TMTC2: variants seen among roughly 807,000 people sequenced by gnomAD.
The protein encoded by TMTC2 is protein O-mannosyl-transferase TMTC2.
Under a neutral mutation model 82.4 loss-of-function variants are expected in TMTC2, and 43 were observed. That is an observed-to-expected ratio of 0.52 (90% CI 0.41 to 0.67). TMTC2 has a LOEUF of 0.67. Among genes scored for constraint, TMTC2 ranks in the 30% least tolerant of loss-of-function variants. The pLI is 0.00. For missense variants in TMTC2, 919 were observed against 1,012.4 expected, an observed-to-expected ratio of 0.91 and a Z score of 1.25; for synonymous variants, 408 against 381.9, an observed-to-expected ratio of 1.07 and a Z score of -0.80.
At chr12:82,938,169 C>G (rs891313284) in intron 4 of TMTC2, among the ~76,000 whole-genome samples, 1 of 151,956 alleles carries the variant, frequency 6.6e-6, no homozygotes, top group South Asian at 2.1e-4. Flanking sequence ...CCACCTCAGC[C>G]TCCCAAAGTA....
At chr12:83,005,330 CAAAAAAAAA>C (rs35332002) in intron 8 of TMTC2, among the ~76,000 whole-genome samples, 1 of 105,710 alleles carries the variant, frequency 9.5e-6, no homozygotes, top group African/African-American at 3.4e-5. Flanking sequence ...CTCTGGTCTC[CAAAAAAAAA>C]AAAAAAAAAA....
intron 10 of TMTC2, among the ~76,000 whole-genome samples, chr12:83,056,562 GA>G (rs963916836): frequency 1.8e-4 from 28 of 151,484 alleles, no homozygotes; most frequent in South Asian, 4.2e-4. Context: ...TCTTAAATGA[GA>G]AAAAAAACAG....
At chr12:82,987,089 T>A (rs1879182346) in intron 8 of TMTC2, among the ~76,000 whole-genome samples, 1 of 152,190 alleles carries the variant, frequency 6.6e-6, no homozygotes, top group South Asian at 2.1e-4. Context: ...AACATTTTAC[T>A]TTCCACAGAA....
At chr12:82,994,762 G>A (rs1376802730) in intron 8 of TMTC2, among the ~76,000 whole-genome samples, 1 of 152,028 alleles carries the variant, frequency 6.6e-6, no homozygotes, top group Non-Finnish European at 1.5e-5. Flanking sequence ...CTTGGCCTCC[G>A]TGTATTTTAT....
intron 11 of TMTC2, among the ~76,000 whole-genome samples, chr12:83,103,332 C>T (rs78933048): frequency 0.055 from 8,323 of 152,188 alleles, 333 homozygotes; most frequent in East Asian, 0.22. Context: ...GCTGCTATGA[C>T]GAAATGCCTG....
chr12:82,886,598 C>G (rs1218173306), intron 2 of TMTC2, among the ~76,000 whole-genome samples: 1 of 152,160 alleles, frequency 6.6e-6, no homozygotes, highest in Non-Finnish European at 1.5e-5. Context: ...CTCACAAAGT[C>G]TGGATATGCC....
At chr12:82,997,065 C>T (rs531132053) in intron 8 of TMTC2, among the ~76,000 whole-genome samples, 111 of 151,246 alleles carry the variant, frequency 7.3e-4, no homozygotes, top group Non-Finnish European at 1.4e-3. Flanking sequence ...ACCTAGGGTA[C>T]ACATTTGCCA....
intron 6 of TMTC2, among the ~76,000 whole-genome samples, 155 bp from the exon 7 acceptor site, chr12:82,966,764 G>A (rs187968956): frequency 3.3e-5 from 5 of 152,234 alleles, no homozygotes; most frequent in African/African-American, 1.2e-4. Context: ...GAGATAGTAT[G>A]CCACAAAAGG....
At chr12:83,082,942 T>G (rs1049523342) in intron 11 of TMTC2, among the ~76,000 whole-genome samples, 14 of 152,292 alleles carry the variant, frequency 9.2e-5, no homozygotes, top group Admixed American at 5.2e-4. Context: ...CGCTTAGCAG[T>G]TTAGGCTCTG....
At chr12:83,049,002 G>A (rs1166300135) in intron 9 of TMTC2, among the ~76,000 whole-genome samples, 1 of 152,118 alleles carries the variant, frequency 6.6e-6, no homozygotes, top group African/African-American at 2.4e-5. Context: ...TAAAATAGAG[G>A]TATTTCTTTT....
intron 1 of TMTC2, chr12:82,759,761 C>T (rs1475098756): frequency 3.3e-5 from 5 of 152,086 alleles, no homozygotes; most frequent in East Asian, 1.9e-4. Context: ...AGCCCAAAGG[C>T]GAGTTTGTAA....
intron 2 of TMTC2, among the ~76,000 whole-genome samples, chr12:82,889,936 T>C (rs1873312905): frequency 6.7e-6 from 1 of 150,316 alleles, no homozygotes; most frequent in Admixed American, 6.7e-5. Context: ...TATCCTTGTA[T>C]TTAGATCTTA....
At chr12:82,825,368 G>T (rs1459169244) in intron 1 of TMTC2, among the ~76,000 whole-genome samples, 1 of 152,168 alleles carries the variant, frequency 6.6e-6, no homozygotes. Flanking sequence ...GAATGGGAGA[G>T]CATGCAGGAC....
intron 1 of TMTC2, among the ~76,000 whole-genome samples, chr12:82,732,167 T>C (rs1874849742): frequency 6.6e-6 from 1 of 152,238 alleles, no homozygotes; most frequent in Admixed American, 6.5e-5. Flanking sequence ...TCTTTACCAA[T>C]TTCAAGTTGA....
intron 11 of TMTC2, among the ~76,000 whole-genome samples, chr12:83,106,294 G>A (rs36083341): frequency 0.11 from 17,418 of 152,078 alleles, 1,321 homozygotes; most frequent in Non-Finnish European, 0.17. Context: ...GAGGTCAGGC[G>A]TTCGAGACCA....
At chr12:82,925,108 T>C (rs1054311807) in intron 3 of TMTC2, among the ~76,000 whole-genome samples, 1 of 152,206 alleles carries the variant, frequency 6.6e-6, no homozygotes, top group African/African-American at 2.4e-5. Flanking sequence ...CCTTATCCTT[T>C]AGCTCGTAGA....
At chr12:82,837,231 G>A (rs539957344) in intron 1 of TMTC2, among the ~76,000 whole-genome samples, 1 of 152,172 alleles carries the variant, frequency 6.6e-6, no homozygotes, top group South Asian at 2.1e-4. Flanking sequence ...CATCTACTGC[G>A]GACCAGTTGA....
rs969287676 is a variant in TMTC2 at position 82,967,070 on chromosome 12, T to G, written c.1948+73T>G. 195 of 1,156,868 alleles carry G rather than the reference T, an allele frequency of 1.7e-4. 3 individuals carry two copies. The highest frequency in any genetic ancestry group is 8.0e-4 in the Middle Eastern group (4 of 5,022). 71.7% of individuals were successfully genotyped at this position (1,156,868 alleles called of 1,614,324 possible). A position where few individuals can be genotyped will look rare whatever the true frequency, so the allele number is the denominator to read the frequency against. On this transcript the variant is annotated intron_variant, in intron 7 of 11. Coordinates refer to ENST00000321196, the MANE Select transcript of TMTC2 (RefSeq NM_152588.3). Reference sequence around the variant, plus strand: ...GAGAAACAGGAACCCATGTTCGTGTTTAATGGAATTCTAATAAATCATATT... The same window carrying G: ...GAGAAACAGGAACCCATGTTCGTGTGTAATGGAATTCTAATAAATCATATT...
At chr12:82,985,760 G>T (rs1177881978) in intron 7 of TMTC2, among the ~76,000 whole-genome samples, 165 bp from the exon 8 acceptor site, 1 of 152,054 alleles carries the variant, frequency 6.6e-6, no homozygotes, top group East Asian at 1.9e-4. Flanking sequence ...TGTAAAATGG[G>T]AATCATGATG....
Sources: gnomAD v4.1 joint callset for allele counts (sites outside exome capture counted in the v4.1 genomes callset) on GRCh38, gnomAD v4.1.1 for gene constraint, MANE v1.5 for transcripts, NCBI Gene and HGNC (gene_info 2026-07-23, HGNC 2026-07-21) for gene names.